The following OPN3 variants were observed in gnomAD, a reference collection of about 807,000 sequenced individuals.
OPN3 encodes opsin 3, also known as opsin-3.
Under a neutral mutation model 33.8 loss-of-function variants are expected in OPN3, and 29 were observed. That is an observed-to-expected ratio of 0.86 (90% CI 0.64 to 1.17). The LOEUF is 1.17. Among genes scored for constraint, OPN3 ranks in the 50% most tolerant of loss-of-function variants. OPN3 has a pLI of 0.00. For synonymous variants in OPN3, 216 were observed against 216.1 expected (o/e 1.00, Z 0.00); for missense variants, 437 against 514.1 (o/e 0.85, Z 1.45).
At chr1:241,601,997 G>A (rs976461673) in intron 2 of OPN3, among the ~76,000 whole-genome samples, 1 of 152,194 alleles carries the variant, frequency 6.6e-6, no homozygotes, top group African/African-American at 2.4e-5. Context: ...TGTTCAAGAG[G>A]CAATTGACTA....
In OPN3 at chr1:241,640,322, C is replaced by T. The variant is rs1274769344; in HGVS notation, c.-68G>A. On this transcript the variant is annotated 5_prime_UTR_variant, in exon 1 of 4. Transcript: ENST00000366554. ...GCGGCGGGGCTCGCGGCGCGCTCCG[C>T]ACTGGGTGGGGTTGGGGCTCCGCCG... 11 of 1,092,780 alleles carry T rather than the reference C, an allele frequency of 1.0e-5. No individual in the cohort carries two copies. The highest frequency in any genetic ancestry group is 1.2e-5 in the Non-Finnish European group (11 of 902,824). The allele number at this position is 1,092,780 out of a possible 1,614,324, so 67.7% of individuals were successfully genotyped here.
intron 2 of OPN3, among the ~76,000 whole-genome samples, chr1:241,603,908 T>A (rs1458498480): frequency 6.6e-6 from 1 of 152,262 alleles, no homozygotes; most frequent in Non-Finnish European, 1.5e-5. Context: ...CAAATTCATA[T>A]GACCTCTGAA....
chr1:241,634,140 G>A (rs760842619), intron 1 of OPN3: 2 of 1,613,206 alleles, frequency 1.2e-6, no homozygotes, highest in Non-Finnish European at 1.7e-6. Flanking sequence ...GGCTTTGTAA[G>A]TTCTTCCTCG....
At chr1:241,594,772 G>A (rs1238087876) in intron 3 of OPN3, 81 bp from the exon 4 acceptor site, 2 of 1,510,294 alleles carry the variant, frequency 1.3e-6, no homozygotes, top group South Asian at 1.3e-5. Flanking sequence ...AATCAGTTGA[G>A]CTGAATTTAA....
chr1:241,607,576 AAAAG>A lies in OPN3; in HGVS notation c.374-3001_374-2998del, dbSNP rs1353970809. Among the ~76,000 whole-genome samples, 19 of 118,100 alleles carry A rather than the reference AAAAG, an allele frequency of 1.6e-4. No individual in the cohort carries two copies. The South Asian group carries it at 2.0e-3, about 13-fold the overall frequency. 77.5% of individuals were successfully genotyped at this position (118,100 alleles called of 152,430 possible). On this transcript the variant is annotated intron_variant, in intron 1 of 3. Transcript: ENST00000366554. ...GGAAGGAAGGAAGAAAGAAAGAAAGAAAAGAAAGAAAGAAAGGAAGAAAGAGAGA... is the reference window on the plus strand; with the variant it reads ...GGAAGGAAGGAAGAAAGAAAGAAAGAAAAGAAAGAAAGGAAGAAAGAGAGA...
At chr1:241,624,861 C>T (rs1341570760) in intron 1 of OPN3, among the ~76,000 whole-genome samples, 1 of 150,408 alleles carries the variant, frequency 6.6e-6, no homozygotes, top group East Asian at 1.9e-4. Context: ...ACTTCTACCA[C>T]TTACCAGCTG....
rs1214138945 is a variant in OPN3, at chr1:241,594,320, A to G, written c.*108T>C. Reference sequence around the variant, plus strand: ...AATTCGGATTTCCTGCTGGACCACAAGGTTCTGTTGATATTACATAGAACG... The same window carrying G: ...AATTCGGATTTCCTGCTGGACCACAGGGTTCTGTTGATATTACATAGAACG... On this transcript the variant is annotated 3_prime_UTR_variant, in exon 4 of 4. Coordinates refer to ENST00000366554, the MANE Select transcript of OPN3 (RefSeq NM_014322.3). The G allele has an allele frequency of 4.4e-5, 54 of 1,239,008 alleles. No homozygotes were observed. The highest frequency in any genetic ancestry group is 5.8e-5 in the Non-Finnish European group (52 of 890,000). 76.8% of individuals were successfully genotyped at this position (1,239,008 alleles called of 1,614,324 possible).
intron 2 of OPN3, among the ~76,000 whole-genome samples, chr1:241,599,888 T>C (rs1663634875): frequency 6.6e-6 from 1 of 152,214 alleles, no homozygotes; most frequent in Non-Finnish European, 1.5e-5. Context: ...TAAATACTTA[T>C]TTATATTTGA....
chr1:241,638,696 G>A (rs1664997098), intron 1 of OPN3, among the ~76,000 whole-genome samples: 1 of 152,104 alleles, frequency 6.6e-6, no homozygotes, highest in South Asian at 2.1e-4. Flanking sequence ...CTTATGAGGG[G>A]CGGGGAGGAA....
chr1:241,634,743 A>AGT (rs1664808694), intron 1 of OPN3: 1 of 1,614,000 alleles, frequency 6.2e-7, no homozygotes, highest in South Asian at 1.1e-5. Flanking sequence ...ATTGCAATTG[A>AGT]GTGCAGTACA....
chr1:241,639,902 C>A lies in OPN3; in HGVS notation c.353G>T (p.Gly118Val). 2 of 1,591,606 alleles carry A rather than the reference C, an allele frequency of 1.3e-6. No homozygotes were observed. Among genetic ancestry groups the A allele is most frequent in the Non-Finnish European group, 8.6e-7 (1 of 1,169,394 alleles). ...VWDTVGCVWDGFSGSLFGIVS... is the reference protein window; with the variant it reads ...VWDTVGCVWDVFSGSLFGIVS... ...CTCACCGAAGAGGCTGCCGCTAAACCCGTCCCACACGCAGCCCACGGTGTC... is the reference window on the plus strand; with the variant it reads ...CTCACCGAAGAGGCTGCCGCTAAACACGTCCCACACGCAGCCCACGGTGTC... The change falls in exon 1 of 4, where the codon GGG becomes GTG. Residue 118 changes from glycine to valine, a missense_variant. By Grantham distance (109) the Gly-to-Val change is moderately radical (BLOSUM62 -3). Transcript: ENST00000366554.
chr1:241,640,070 A>ACCAGCAGGTTGTTGCCGACGC lies in OPN3; in HGVS notation c.164_184dup (p.Gly55_Leu61dup). 6.2e-7 allele frequency: 1 copy of ACCAGCAGGTTGTTGCCGACGC among 1,611,372 alleles called. No homozygotes were observed. The highest frequency in any genetic ancestry group is 8.5e-7 in the Non-Finnish European group (1 of 1,179,032). The stretch of plus-strand genomic sequence containing the variant: ...CTGGAACTTGTAGTAGAGGACGAGC[A>ACCAGCAGGTTGTTGCCGACGC]CCAGCAGGTTGTTGCCGACGCCCAG... On this transcript the variant is annotated inframe_insertion, in exon 1 of 4. Coordinates refer to ENST00000366554, the MANE Select transcript of OPN3 (RefSeq NM_014322.3).
intron 1 of OPN3, among the ~76,000 whole-genome samples, chr1:241,609,725 C>T (rs3765814): frequency 0.23 from 34,273 of 152,084 alleles, 4,410 homozygotes; most frequent in Admixed American, 0.33. Flanking sequence ...TAAGTTGGGT[C>T]ATAAAAGATG....
intron 1 of OPN3, among the ~76,000 whole-genome samples, chr1:241,624,856 T>C (rs1022904128): frequency 6.6e-6 from 1 of 150,558 alleles, no homozygotes; most frequent in Admixed American, 6.6e-5. Flanking sequence ...AGCCCACTTC[T>C]ACCACTTACC....
At chr1:241,612,915 AG>A (rs1664034897) in intron 1 of OPN3, among the ~76,000 whole-genome samples, 1 of 152,098 alleles carries the variant, frequency 6.6e-6, no homozygotes, top group Non-Finnish European at 1.5e-5. Flanking sequence ...AGATCTCCTC[AG>A]GGAGATGAAT....
intron 1 of OPN3, among the ~76,000 whole-genome samples, chr1:241,608,401 G>A (rs1225119207): frequency 6.6e-6 from 1 of 152,124 alleles, no homozygotes; most frequent in Non-Finnish European, 1.5e-5. Context: ...AATATAAAGA[G>A]GTGAGTGAAA....
At chr1:241,612,981 G>A (rs535777719) in intron 1 of OPN3, among the ~76,000 whole-genome samples, 45 of 152,232 alleles carry the variant, frequency 3.0e-4, no homozygotes, top group African/African-American at 9.4e-4. Context: ...GGCTGTTACC[G>A]TGCAGCGGGC....
In OPN3 at chr1:241,604,475, A is replaced by G; in HGVS notation, c.478T>C (p.Tyr160His). The G allele has an allele frequency of 6.2e-7, 1 of 1,614,184 alleles. No individual in the cohort carries two copies. Among genetic ancestry groups the G allele is most frequent in the East Asian group, 2.2e-5 (1 of 44,858 alleles). The change falls in exon 2 of 4, where the codon TAC (tyrosine) becomes CAC (histidine). Residue 160 changes from tyrosine to histidine, a missense_variant. Coordinates refer to ENST00000366554, the MANE Select transcript of OPN3 (RefSeq NM_014322.3). ...NFSWAWRAIT[Y>H]IWLYSLAWAG... ...CACGCCAGTGAGTAGAGCCAGATGT[A>G]GGTAATGGCCCTCCAGGCCCAGGAA...
intron 1 of OPN3, among the ~76,000 whole-genome samples, chr1:241,627,613 T>C (rs147445752): frequency 1.4e-4 from 21 of 152,344 alleles, no homozygotes; most frequent in African/African-American, 5.1e-4. Flanking sequence ...TATAGCCAAA[T>C]TCTTTCAGGT....
Sources: allele counts gnomAD v4.1 joint callset (sites outside exome capture counted in the v4.1 genomes callset), GRCh38; gene constraint gnomAD v4.1.1; transcripts MANE v1.5; gene names NCBI Gene and HGNC (gene_info 2026-07-23, HGNC 2026-07-21).